Variants in RAPGEF1 observed in about 807,000 individuals in gnomAD.
The protein encoded by RAPGEF1 is CRK SH3-binding GNRP.
RAPGEF1 carries 33 observed loss-of-function variants against 143.3 expected under a neutral mutation model. The ratio of observed to expected loss-of-function variants is 0.23; its 90% confidence interval spans 0.17 to 0.31. RAPGEF1 has a LOEUF of 0.31. Ranked by LOEUF, RAPGEF1 falls within the 10% of genes least tolerant of loss-of-function variation. RAPGEF1 has a pLI of 1.00. For synonymous variants in RAPGEF1, 629 were observed against 676.5 expected (o/e 0.93, Z 1.09); for missense variants, 1,199 against 1,645.4 (o/e 0.73, Z 4.69).
intron 3 of RAPGEF1, among the ~76,000 whole-genome samples, chr9:131,649,823 C>A (rs532912476): frequency 5.9e-4 from 90 of 152,144 alleles, no homozygotes; most frequent in Non-Finnish European, 8.1e-4. Flanking sequence ...AACAGCTGGT[C>A]TTGAGAGATG....
At chr9:131,684,672 C>T (rs1833185710) in intron 1 of RAPGEF1, among the ~76,000 whole-genome samples, 1 of 152,196 alleles carries the variant, frequency 6.6e-6, no homozygotes, top group Admixed American at 6.5e-5. Flanking sequence ...AGAAGCAGAA[C>T]AACTGATTTA....
At chr9:131,643,440 A>C (rs1196127874) in intron 3 of RAPGEF1, 23 bp from the exon 4 acceptor site, 1 of 1,597,376 alleles carries the variant, frequency 6.3e-7, no homozygotes, top group African/African-American at 1.3e-5. Flanking sequence ...GTTAGGCATA[A>C]GGAGGAGGAG....
intron 1 of RAPGEF1, among the ~76,000 whole-genome samples, chr9:131,726,950 G>A (rs1055783934): frequency 1.9e-4 from 29 of 152,128 alleles, no homozygotes; most frequent in South Asian, 4.1e-4. Context: ...GCTGCTGTGA[G>A]CCACGATGGT....
intron 1 of RAPGEF1, among the ~76,000 whole-genome samples, chr9:131,722,214 C>G (rs1433529582): frequency 6.6e-6 from 1 of 152,200 alleles, no homozygotes; most frequent in African/African-American, 2.4e-5. Flanking sequence ...CCAGGTGGCG[C>G]TCCCACTCAC....
intron 1 of RAPGEF1, among the ~76,000 whole-genome samples, chr9:131,707,994 T>C (rs1015087733): frequency 2.6e-5 from 4 of 152,176 alleles, no homozygotes; most frequent in Non-Finnish European, 5.9e-5. Context: ...AGCCGTTTTG[T>C]TCAAACTTGG....
Position 131,641,081 on chromosome 9 carries a change from C to A in RAPGEF1, c.494+2158G>T, listed in dbSNP as rs956800036. Among the ~76,000 whole-genome samples the A allele has an allele frequency of 2.0e-5, 3 of 152,072 alleles. No homozygotes were observed. The highest frequency in any genetic ancestry group is 7.2e-5 in the African/African-American group (3 of 41,386). Reference sequence around the variant, plus strand: ...GCCACCCCTCAATAGACAAAAAATACCCCCAGCCATTACCATGTGACTTCA... The same window carrying A: ...GCCACCCCTCAATAGACAAAAAATAACCCCAGCCATTACCATGTGACTTCA... On this transcript the variant is annotated intron_variant, in intron 4 of 26. Transcript: ENST00000683357. This position sits in a 1 kb window ranked among gnomAD's most constrained non-coding sequence, Gnocchi z 4.6.
At chr9:131,649,680 G>C (rs1224337096) in intron 3 of RAPGEF1, among the ~76,000 whole-genome samples, 1 of 152,152 alleles carries the variant, frequency 6.6e-6, no homozygotes, top group South Asian at 2.1e-4. Flanking sequence ...AGGTGTCTGG[G>C]GCTCTGAGAG....
At chr9:131,724,993 G>A (rs1053377660) in intron 1 of RAPGEF1, among the ~76,000 whole-genome samples, 8 of 152,194 alleles carry the variant, frequency 5.3e-5, no homozygotes, top group East Asian at 1.9e-4. Flanking sequence ...GAAGGGGCAC[G>A]GAGCCTCCAC....
intron 25 of RAPGEF1, among the ~76,000 whole-genome samples, chr9:131,582,352 C>A (rs1336949113): frequency 1.3e-5 from 2 of 151,288 alleles, no homozygotes; most frequent in African/African-American, 2.4e-5. Flanking sequence ...GAAAGGAGAA[C>A]CCGTATTCTT....
At chr9:131,581,446 T>TG (rs1951853359) in intron 25 of RAPGEF1, among the ~76,000 whole-genome samples, 1 of 151,000 alleles carries the variant, frequency 6.6e-6, no homozygotes, top group Admixed American at 6.6e-5. Flanking sequence ...CCCAGCACTT[T>TG]GGGAGGCCAA....
intron 5 of RAPGEF1, among the ~76,000 whole-genome samples, chr9:131,633,310 G>A (rs191133146): frequency 3.3e-5 from 5 of 152,316 alleles, no homozygotes; most frequent in Middle Eastern, 3.4e-3. Flanking sequence ...GAGGGAGGAC[G>A]GTGGGAGAAG....
intron 5 of RAPGEF1, among the ~76,000 whole-genome samples, chr9:131,632,294 A>G (rs74423540): frequency 8.9e-6 from 1 of 112,074 alleles, no homozygotes; most frequent in Non-Finnish European, 1.7e-5. Flanking sequence ...GCACCCGGCT[A>G]ATTTTTTTTT....
intron 1 of RAPGEF1, among the ~76,000 whole-genome samples, chr9:131,732,704 C>G (rs1028254382): frequency 6.6e-6 from 1 of 150,912 alleles, no homozygotes; most frequent in African/African-American, 2.4e-5. Flanking sequence ...AATTTGAAAC[C>G]ACAATAAGCT....
intron 1 of RAPGEF1, among the ~76,000 whole-genome samples, chr9:131,657,940 A>G (rs140119481): frequency 6.6e-6 from 1 of 152,348 alleles, no homozygotes; most frequent in East Asian, 1.9e-4. Context: ...TTTTTACTCA[A>G]TAGCAGGCCT....
chr9:131,579,897 C>T (rs1433714900), intron 26 of RAPGEF1, among the ~76,000 whole-genome samples: 1 of 152,238 alleles, frequency 6.6e-6, no homozygotes, highest in Non-Finnish European at 1.5e-5. Context: ...GGTGATCCCA[C>T]TGCCCCCAAC....
chr9:131,590,040 A>C, intron 18 of RAPGEF1, 62 bp from the exon 19 acceptor site: 1 of 1,416,390 alleles, frequency 7.1e-7, no homozygotes, highest in Non-Finnish European at 1.0e-6. Context: ...TGGAGGACTG[A>C]CTCCTGGTGA....
At chr9:131,676,015 C>T (rs555248713) in intron 1 of RAPGEF1, among the ~76,000 whole-genome samples, 1 of 152,138 alleles carries the variant, frequency 6.6e-6, no homozygotes, top group South Asian at 2.1e-4. Context: ...GATCCTTCCA[C>T]CTTGGCCTCT....
In RAPGEF1 at chr9:131,583,016, G is replaced by C. The variant is rs1464147386; in HGVS notation, c.3415-314C>G. ...TGTGTATACGACATCCCGGAAGATG[G>C]GCTCCTGCCTGGCCCTGTTCGGCGG... On this transcript the variant is annotated intron_variant, in intron 24 of 26. Transcript: ENST00000683357. This position sits in a 1 kb window ranked among gnomAD's most constrained non-coding sequence, Gnocchi z 4.7. 3.3e-5 allele frequency among the ~76,000 whole-genome samples: 5 copies of C among 152,192 alleles called. No homozygotes were observed. The highest frequency in any genetic ancestry group is 7.3e-5 in the Non-Finnish European group (5 of 68,034).
intron 1 of RAPGEF1, 137 bp downstream of exon 1, chr9:131,739,633 G>T: frequency 3.5e-6 from 2 of 577,988 alleles, no homozygotes; most frequent in Non-Finnish European, 4.4e-6. Context: ...AGGCGCCCCG[G>T]CGAGGCCTCG....
Sources: allele counts gnomAD v4.1 joint callset (sites outside exome capture counted in the v4.1 genomes callset), GRCh38; gene constraint gnomAD v4.1.1; non-coding constraint Gnocchi (gnomAD v3.1); transcripts MANE v1.5; gene names NCBI Gene and HGNC (gene_info 2026-07-23, HGNC 2026-07-21).